APBA1: variants seen among roughly 807,000 people sequenced by gnomAD.
APBA1 encodes amyloid-beta A4 precursor protein-binding family A member 1.
APBA1 carries 55 observed loss-of-function variants against 86.6 expected under a neutral mutation model. The observed-to-expected ratio is 0.64, with a 90% confidence interval of 0.51 to 0.80. The LOEUF (loss-of-function observed/expected upper bound fraction) is 0.80. Among genes scored for constraint, APBA1 ranks in the 30% least tolerant of loss-of-function variants. The pLI is 0.00. For synonymous variants in APBA1, 511 were observed against 493.9 expected (o/e 1.03, Z -0.46); for missense variants, 1,090 against 1,183.0 (o/e 0.92, Z 1.15).
At chr9:69,461,161 G>A (rs1300720277) in intron 5 of APBA1, 3 of 152,146 alleles carry the variant, frequency 2.0e-5, no homozygotes, top group Admixed American at 2.0e-4. Context: ...ACAGAAGATG[G>A]GAGAGTTGGA....
chr9:69,485,794 C>T (rs902390649), intron 2 of APBA1, among the ~76,000 whole-genome samples: 1 of 152,234 alleles, frequency 6.6e-6, no homozygotes. Context: ...CTAAGTTTTA[C>T]CACCACAGCT....
intron 2 of APBA1, among the ~76,000 whole-genome samples, chr9:69,492,722 G>A (rs530452511): frequency 3.9e-5 from 6 of 152,008 alleles, no homozygotes; most frequent in Non-Finnish European, 8.8e-5. Flanking sequence ...CAGGGCATAC[G>A]TATGCCTCTA....
intron 2 of APBA1, among the ~76,000 whole-genome samples, chr9:69,506,053 G>C (rs1406395905): frequency 1.3e-5 from 2 of 151,638 alleles, no homozygotes; most frequent in Non-Finnish European, 2.9e-5. Flanking sequence ...AAAAGAAAAG[G>C]AGGAGGAGCC....
chr9:69,504,592 A>G (rs1835925177), intron 2 of APBA1, among the ~76,000 whole-genome samples: 1 of 152,088 alleles, frequency 6.6e-6, no homozygotes, highest in Non-Finnish European at 1.5e-5. Flanking sequence ...GAAACCCCCA[A>G]ACATTAGTAT....
At chr9:69,471,581 T>C in intron 4 of APBA1, 75 bp downstream of exon 4, 1 of 1,204,902 alleles carries the variant, frequency 8.3e-7, no homozygotes, top group Non-Finnish European at 1.2e-6. Flanking sequence ...GTCTTATATC[T>C]CAGTGCTTCA....
intron 1 of APBA1, among the ~76,000 whole-genome samples, chr9:69,532,192 T>C (rs144409909): frequency 6.6e-6 from 1 of 152,244 alleles, no homozygotes; most frequent in African/African-American, 2.4e-5. Context: ...GAAGGGGGAA[T>C]ATGAGTACTC....
At chr9:69,546,224 T>C (rs1051573937) in intron 1 of APBA1, among the ~76,000 whole-genome samples, 48 of 152,224 alleles carry the variant, frequency 3.2e-4, no homozygotes, top group African/African-American at 1.1e-3. Context: ...GGCTAACCCA[T>C]GAAACTGTGG....
intron 1 of APBA1, among the ~76,000 whole-genome samples, chr9:69,599,904 C>T (rs1822313428): frequency 6.6e-6 from 1 of 152,200 alleles, no homozygotes; most frequent in African/African-American, 2.4e-5. Context: ...TCTGGGGCTT[C>T]ATGCGTTTTT....
At chr9:69,549,281 G>A (rs1836747513) in intron 1 of APBA1, among the ~76,000 whole-genome samples, 1 of 152,126 alleles carries the variant, frequency 6.6e-6, no homozygotes. Flanking sequence ...CTAGATGTGG[G>A]TTTTGGGGAG....
intron 1 of APBA1, among the ~76,000 whole-genome samples, chr9:69,643,487 G>A (rs1357567626): frequency 1.3e-5 from 2 of 152,126 alleles, no homozygotes; most frequent in Non-Finnish European, 2.9e-5. Flanking sequence ...ACCAAGACTG[G>A]CACATCTCTC....
chr9:69,496,707 C>T (rs1835803987), intron 2 of APBA1, among the ~76,000 whole-genome samples: 2 of 152,072 alleles, frequency 1.3e-5, no homozygotes, highest in South Asian at 4.1e-4. Context: ...CTTTACAGCA[C>T]TGGGCATCTC....
chr9:69,471,499 T>C (rs1761287), intron 4 of APBA1, among the ~76,000 whole-genome samples, 157 bp downstream of exon 4: 81,965 of 152,020 alleles, frequency 0.54, 23,299 homozygotes, highest in African/African-American at 0.72. Flanking sequence ...CAGCTATCAT[T>C]CTTTGAGTCT....
At chr9:69,586,660 C>G (rs961686900) in intron 1 of APBA1, among the ~76,000 whole-genome samples, 1 of 152,164 alleles carries the variant, frequency 6.6e-6, no homozygotes, top group Non-Finnish European at 1.5e-5. Flanking sequence ...CCCTTGTTTT[C>G]CTGGACTAGG....
chr9:69,490,812 C>T (rs543183926), intron 2 of APBA1, among the ~76,000 whole-genome samples: 1 of 152,202 alleles, frequency 6.6e-6, no homozygotes, highest in Admixed American at 6.5e-5. Flanking sequence ...ACAGACACAT[C>T]TCAAAAGAAG....
In APBA1 at chr9:69,516,527, C is replaced by T; in HGVS notation, c.684G>A (p.Gln228=). Reference sequence around the variant, plus strand: ...GGTGCAGCCGCGCGCCCAGGGCCTCCTGGCGGTACGCGGCCGCCTCGTCGC... The same window carrying T: ...GGTGCAGCCGCGCGCCCAGGGCCTCTTGGCGGTACGCGGCCGCCTCGTCGC... ...QERDEAAAYR[Q]EALGARLHHY... is the part of the protein sequence containing the mutation. Residue 228 remains glutamine (Q), a synonymous_variant, in exon 2 of 13, where the codon CAG becomes CAA. Transcript: ENST00000265381. This position sits in a 1 kb window ranked among gnomAD's most constrained non-coding sequence, Gnocchi z 7.3. 6.3e-7 allele frequency: 1 copy of T among 1,595,276 alleles called. No homozygotes were observed. Among genetic ancestry groups the T allele is most frequent in the East Asian group, 2.2e-5 (1 of 44,590 alleles).
At chr9:69,489,848 G>T (rs1390873871) in intron 2 of APBA1, among the ~76,000 whole-genome samples, 4 of 152,140 alleles carry the variant, frequency 2.6e-5, no homozygotes, top group Non-Finnish European at 5.9e-5. Flanking sequence ...AGGATGTGGA[G>T]AAATAGGAAC....
At chr9:69,496,580 C>A in intron 2 of APBA1, among the ~76,000 whole-genome samples, 1 of 152,038 alleles carries the variant, frequency 6.6e-6, no homozygotes. Context: ...CTCTTGTTGG[C>A]AGTCCGATTG....
chr9:69,441,148 G>C, intron 10 of APBA1, 33 bp from the exon 11 acceptor site: 1 of 1,596,666 alleles, frequency 6.3e-7, no homozygotes, highest in Non-Finnish European at 8.5e-7. Flanking sequence ...TGGGTATGGT[G>C]ACCACTGAGG....
chr9:69,605,562 A>G (rs1278439811), intron 1 of APBA1, among the ~76,000 whole-genome samples: 2 of 152,152 alleles, frequency 1.3e-5, no homozygotes, highest in Non-Finnish European at 2.9e-5. Context: ...TGCAGCTTTT[A>G]TTGTCACAAA....
Sources: gnomAD v4.1 joint callset for allele counts (sites outside exome capture counted in the v4.1 genomes callset) on GRCh38, gnomAD v4.1.1 for gene constraint, Gnocchi (gnomAD v3.1) non-coding constraint, MANE v1.5 for transcripts, NCBI Gene and HGNC (gene_info 2026-07-23, HGNC 2026-07-21) for gene names.